Variants in KIAA1217 observed in about 807,000 individuals in gnomAD.
KIAA1217 encodes the protein KIAA1217, also known as sickle tail protein homolog.
A neutral mutation model predicts 163.9 loss-of-function variants in KIAA1217; 88 were observed. The observed-to-expected ratio is 0.54, with a 90% CI of 0.45 to 0.64. The LOEUF (loss-of-function observed/expected upper bound fraction) is 0.64, where lower values mean the gene tolerates loss of function less well. KIAA1217 is among the 30% of genes least tolerant of loss of function. The pLI is 0.00. For synonymous variants in KIAA1217, 903 were observed against 923.1 expected, an observed-to-expected ratio of 0.98 and a Z score of 0.39; for missense variants, 2,372 against 2,475.0, an observed-to-expected ratio of 0.96 and a Z score of 0.88.
chr10:24,077,094 C>T (rs909113872), intron 2 of KIAA1217, among the ~76,000 whole-genome samples: 2 of 152,090 alleles, frequency 1.3e-5, no homozygotes, highest in African/African-American at 4.8e-5. Context: ...TCAGGCTGGT[C>T]TTGAACCCCT....
chr10:24,346,572 T>G (rs1387244179), intron 2 of KIAA1217, among the ~76,000 whole-genome samples: 1 of 139,576 alleles, frequency 7.2e-6, no homozygotes, highest in East Asian at 2.1e-4. Flanking sequence ...TTGGCCCTTT[T>G]TTTTTTTTTT....
intron 2 of KIAA1217, among the ~76,000 whole-genome samples, chr10:24,115,504 T>A (rs2063017532): frequency 6.6e-6 from 1 of 152,220 alleles, no homozygotes; most frequent in Non-Finnish European, 1.5e-5. Context: ...TGTCCAGTAA[T>A]ACACATGATC....
chr10:24,138,015 A>G (rs1313442755), intron 2 of KIAA1217, among the ~76,000 whole-genome samples: 1 of 152,256 alleles, frequency 6.6e-6, no homozygotes, highest in Non-Finnish European at 1.5e-5. Flanking sequence ...AAAAATGCAG[A>G]AAAATAGAAA....
chr10:24,342,789 G>C (rs2047261766), intron 2 of KIAA1217, among the ~76,000 whole-genome samples: 1 of 151,404 alleles, frequency 6.6e-6, no homozygotes. Context: ...TTCCAGAGTA[G>C]CTGGGACTAC....
chr10:23,930,713 A>T (rs1216882034), intron 1 of KIAA1217, among the ~76,000 whole-genome samples: 1 of 152,226 alleles, frequency 6.6e-6, no homozygotes, highest in Non-Finnish European at 1.5e-5. Flanking sequence ...TCATCAGGAA[A>T]AAGACATTGG....
At chr10:24,545,522 C>T (rs1201248735) in intron 20 of KIAA1217, 2 of 1,309,010 alleles carry the variant, frequency 1.5e-6, no homozygotes, top group African/African-American at 1.5e-5. Flanking sequence ...TGCCCGACCC[C>T]CACCCCAGTA....
intron 1 of KIAA1217, among the ~76,000 whole-genome samples, chr10:23,927,058 C>A (rs1041812910): frequency 6.6e-6 from 1 of 151,530 alleles, no homozygotes; most frequent in Admixed American, 6.6e-5. Flanking sequence ...CAGGCATGTA[C>A]CACCATGCCT....
At chr10:23,867,456 C>T (rs1377545105) in intron 1 of KIAA1217, among the ~76,000 whole-genome samples, 1 of 152,204 alleles carries the variant, frequency 6.6e-6, no homozygotes, top group Non-Finnish European at 1.5e-5. Flanking sequence ...AACTAGTTTA[C>T]AGTCCCATCA....
chr10:23,979,032 A>C (rs947384462), intron 1 of KIAA1217, among the ~76,000 whole-genome samples: 2 of 152,166 alleles, frequency 1.3e-5, no homozygotes, highest in African/African-American at 4.8e-5. Context: ...TGTTCCCATG[A>C]GCCTTACCTG....
intron 2 of KIAA1217, chr10:24,158,478 T>C (rs1589715548): frequency 1.9e-6 from 1 of 535,502 alleles, no homozygotes; most frequent in East Asian, 5.0e-5. Context: ...ATTATCAGTC[T>C]AAACTGCAGG....
At chr10:23,960,143 C>A (rs1263264351) in intron 1 of KIAA1217, among the ~76,000 whole-genome samples, 3 of 151,518 alleles carry the variant, frequency 2.0e-5, no homozygotes, top group African/African-American at 7.3e-5. Context: ...TCTCGATCTC[C>A]TGACCTCATG....
At chr10:24,013,255 T>G (rs1847320726) in intron 2 of KIAA1217, among the ~76,000 whole-genome samples, 1 of 152,076 alleles carries the variant, frequency 6.6e-6, no homozygotes, top group African/African-American at 2.4e-5. Flanking sequence ...AAAAATACAC[T>G]TGTTAGACAA....
intron 3 of KIAA1217, among the ~76,000 whole-genome samples, chr10:24,430,876 A>C (rs1287000272): frequency 6.6e-6 from 1 of 152,186 alleles, no homozygotes; most frequent in East Asian, 1.9e-4. Context: ...CCCAGTTCCT[A>C]ACAAGCCAAG....
intron 1 of KIAA1217, among the ~76,000 whole-genome samples, chr10:23,737,044 C>T (rs1364270552): frequency 2.6e-5 from 4 of 152,110 alleles, no homozygotes; most frequent in Non-Finnish European, 4.4e-5. Flanking sequence ...TGTTCTGACC[C>T]GTGAACATGG....
intron 1 of KIAA1217, among the ~76,000 whole-genome samples, chr10:23,903,617 C>T (rs1430770302): frequency 6.6e-6 from 1 of 152,082 alleles, no homozygotes; most frequent in Non-Finnish European, 1.5e-5. Context: ...TCTGTATCCT[C>T]ATTCCTTTCC....
At chr10:24,318,390 G>C (rs2043691748) in intron 2 of KIAA1217, among the ~76,000 whole-genome samples, 1 of 152,130 alleles carries the variant, frequency 6.6e-6, no homozygotes, top group African/African-American at 2.4e-5. Context: ...ACTGAAACAG[G>C]CTGAGGTTTC....
intron 9 of KIAA1217, among the ~76,000 whole-genome samples, chr10:24,502,615 A>G (rs2067811589): frequency 6.6e-6 from 1 of 152,180 alleles, no homozygotes; most frequent in African/African-American, 2.4e-5. Flanking sequence ...CCTGGCTGGT[A>G]GGTTGGTCGT....
chr10:24,195,208 C>G (rs1415932376), intron 2 of KIAA1217, among the ~76,000 whole-genome samples: 1 of 152,194 alleles, frequency 6.6e-6, no homozygotes, highest in Admixed American at 6.5e-5. Flanking sequence ...ACTGCAGCAT[C>G]CCTGGAAGTA....
rs532142545 is a variant in KIAA1217, at chr10:24,386,606, C to T, written c.553+5539C>T. Among the ~76,000 whole-genome samples, 3 of 152,210 alleles carry T rather than the reference C, an allele frequency of 2.0e-5. No homozygotes were observed. In the East Asian group the frequency reaches 5.8e-4, roughly 29 times the overall value. ...TTATTTATTTAGAGACAGGGTCTTT[C>T]TCTGTTGCCCAGGCTGGAGTACAGT... On this transcript the variant is annotated intron_variant, in intron 3 of 20. Coordinates refer to ENST00000376454, the MANE Select transcript of KIAA1217 (RefSeq NM_019590.5).
Sources: allele counts gnomAD v4.1 joint callset (sites outside exome capture counted in the v4.1 genomes callset), GRCh38; gene constraint gnomAD v4.1.1; transcripts MANE v1.5; gene names NCBI Gene and HGNC (gene_info 2026-07-23, HGNC 2026-07-21).